The following FAM107B variants were observed in gnomAD, a reference collection of about 807,000 sequenced individuals.
FAM107B encodes family with sequence similarity 107 member B.
A neutral mutation model predicts 31.5 loss-of-function variants in FAM107B; 21 were observed. The ratio of observed to expected loss-of-function variants is 0.67; its 90% CI spans 0.47 to 0.96. The LOEUF is 0.96. Ranked by LOEUF, FAM107B falls within the 40% of genes least tolerant of loss-of-function variation. The pLI, the probability that FAM107B is intolerant of heterozygous loss-of-function variation, is 0.00. For missense variants in FAM107B, 452 were observed against 377.1 expected, an observed-to-expected ratio of 1.20 and a Z score of -1.64; for synonymous variants, 157 against 141.5, an observed-to-expected ratio of 1.11 and a Z score of -0.78.
At chr10:14,627,815 AG>A (rs1397241032) in intron 2 of FAM107B, among the ~76,000 whole-genome samples, 1 of 152,142 alleles carries the variant, frequency 6.6e-6, no homozygotes, top group Non-Finnish European at 1.5e-5. Flanking sequence ...AGCATTTAAC[AG>A]ATTGGTTGAA....
At chr10:14,579,725 A>C (rs1851574048) in intron 2 of FAM107B, among the ~76,000 whole-genome samples, 1 of 152,230 alleles carries the variant, frequency 6.6e-6, no homozygotes, top group South Asian at 2.1e-4. Context: ...TTCCTTCCAA[A>C]AAAGATTTGG....
intron 1 of FAM107B, among the ~76,000 whole-genome samples, chr10:14,712,816 C>G (rs1167849347): frequency 6.6e-6 from 1 of 152,086 alleles, no homozygotes; most frequent in Non-Finnish European, 1.5e-5. Context: ...TTGGAACTAC[C>G]CAGGAAGGGC....
intron 2 of FAM107B, among the ~76,000 whole-genome samples, chr10:14,555,171 C>T (rs1265757009): frequency 6.7e-6 from 1 of 150,014 alleles, no homozygotes; most frequent in Non-Finnish European, 1.5e-5. Flanking sequence ...GGATTTATAA[C>T]CAAAGTCATA....
In FAM107B at chr10:14,709,943, CAG is replaced by C. The variant is rs1277383676; in HGVS notation, c.412-42254_412-42253del. ...GGGGAGGAGAGAGAAAAGAATAAAACAGAGCACAGGAGATTTTCAGGACAGTG... is the reference window on the plus strand; with the variant it reads ...GGGGAGGAGAGAGAAAAGAATAAAACAGCACAGGAGATTTTCAGGACAGTG... On this transcript the variant is annotated intron_variant, in intron 1 of 4. Coordinates refer to ENST00000181796, the MANE Select transcript of FAM107B (RefSeq NM_031453.4). 9.9e-5 allele frequency among the ~76,000 whole-genome samples: 15 copies of C among 152,186 alleles called. No homozygotes were observed. In the East Asian group the frequency reaches 2.5e-3, roughly 25 times the overall value.
Position 14,774,392 on chromosome 10 carries a change from C to G in FAM107B, c.272G>C (p.Arg91Pro). 1 of 1,614,210 alleles carries G rather than the reference C, an allele frequency of 6.2e-7. No individual in the cohort carries two copies. The highest frequency in any genetic ancestry group is 8.5e-7 in the Non-Finnish European group (1 of 1,180,046). ...GGCCGCAGTGCGGTGACTTGAATTC[C>G]GATTCGCACTGCCATTTCTCTCTGC... Reference protein sequence around the residue: ...THAERNGSANRNSSHRTAAQP... With the variant: ...THAERNGSANPNSSHRTAAQP... The change falls in exon 1 of 5, where the codon CGG (arginine) becomes CCG (proline). Residue 91 changes from arginine (R) to proline (P), a missense_variant. Coordinates refer to ENST00000181796, the MANE Select transcript of FAM107B (RefSeq NM_031453.4).
chr10:14,730,713 AGTAGACCAGGC>A (rs1485130992), intron 1 of FAM107B, among the ~76,000 whole-genome samples: 2 of 152,260 alleles, frequency 1.3e-5, no homozygotes, highest in East Asian at 3.8e-4. Context: ...AGGCTACTGC[AGTAGACCAGGC>A]GAGAAATTAT....
intron 2 of FAM107B, among the ~76,000 whole-genome samples, chr10:14,565,232 G>A (rs1295712853): frequency 1.3e-5 from 2 of 152,314 alleles, no homozygotes; most frequent in Middle Eastern, 3.4e-3. Context: ...TCTACTGGGG[G>A]AAGCAGGCAT....
chr10:14,730,008 G>T (rs1389819630), intron 1 of FAM107B, among the ~76,000 whole-genome samples: 1 of 152,084 alleles, frequency 6.6e-6, no homozygotes, highest in African/African-American at 2.4e-5. Context: ...TGGACACAGG[G>T]AGGGGAACAT....
chr10:14,624,223 G>A (rs895254450), intron 2 of FAM107B, among the ~76,000 whole-genome samples: 3 of 152,172 alleles, frequency 2.0e-5, no homozygotes, highest in African/African-American at 2.4e-5. Flanking sequence ...CTATAAGGAT[G>A]GTGAATAAAA....
At chr10:14,589,658 G>A (rs1321260722) in intron 2 of FAM107B, among the ~76,000 whole-genome samples, 1 of 152,030 alleles carries the variant, frequency 6.6e-6, no homozygotes. Context: ...GGGGGATGAG[G>A]GGCAAGGGGA....
intron 2 of FAM107B, among the ~76,000 whole-genome samples, chr10:14,614,878 A>G (rs1053824295): frequency 2.0e-5 from 3 of 152,080 alleles, no homozygotes; most frequent in Admixed American, 6.6e-5. Flanking sequence ...TCACTCGGGG[A>G]GCAGCAGGGG....
rs544691960 is a variant in FAM107B at position 14,589,661 on chromosome 10, C to T, written c.470-59146G>A. Among the ~76,000 whole-genome samples the T allele has an allele frequency of 6.6e-5, 10 of 151,878 alleles. No individual in the cohort carries two copies. The South Asian group carries it at 1.9e-3, about 29-fold the overall frequency. Reference sequence around the variant, plus strand: ...GAGTACATTCTTGGGGGATGAGGGGCAAGGGGAGGGAAAGCATTAGGACAA... The same window carrying T: ...GAGTACATTCTTGGGGGATGAGGGGTAAGGGGAGGGAAAGCATTAGGACAA... On this transcript the variant is annotated intron_variant, in intron 2 of 4. Coordinates refer to ENST00000181796, the MANE Select transcript of FAM107B (RefSeq NM_031453.4).
chr10:14,683,363 G>A (rs1257579769), intron 1 of FAM107B, among the ~76,000 whole-genome samples: 1 of 152,206 alleles, frequency 6.6e-6, no homozygotes, highest in Admixed American at 6.5e-5. Flanking sequence ...CACCGTTAGG[G>A]AAGGCCTTTG....
chr10:14,578,305 T>C (rs758620882), intron 2 of FAM107B, among the ~76,000 whole-genome samples: 5 of 152,224 alleles, frequency 3.3e-5, no homozygotes, highest in Non-Finnish European at 5.9e-5. Flanking sequence ...GTTGAATTAA[T>C]ACATTCCATA....
At chr10:14,679,108 T>C (rs772446677) in intron 1 of FAM107B, among the ~76,000 whole-genome samples, 5 of 151,796 alleles carry the variant, frequency 3.3e-5, no homozygotes, top group Non-Finnish European at 5.9e-5. Flanking sequence ...CTCAGTTTCA[T>C]CATAAAAAAG....
chr10:14,523,166 T>C (rs1402169638), intron 3 of FAM107B, among the ~76,000 whole-genome samples: 1 of 152,268 alleles, frequency 6.6e-6, no homozygotes, highest in Non-Finnish European at 1.5e-5. Flanking sequence ...TTGCCTTTTC[T>C]ATTTCCTTAG....
intron 1 of FAM107B, among the ~76,000 whole-genome samples, chr10:14,725,821 C>CTTTTTTTTT (rs759788163): frequency 1.1e-5 from 1 of 94,296 alleles, no homozygotes; most frequent in African/African-American, 4.3e-5. Flanking sequence ...CAGTCAAATC[C>CTTTTTTTTT]TTTTTTTTTT....
At chr10:14,634,191 T>C (rs1304969294) in intron 2 of FAM107B, among the ~76,000 whole-genome samples, 4 of 151,960 alleles carry the variant, frequency 2.6e-5, no homozygotes, top group Non-Finnish European at 5.9e-5. Flanking sequence ...GGTCAGGAGA[T>C]TGAGACCATC....
rs1833380455 is a variant in FAM107B, at chr10:14,774,592, G to A, written c.72C>T (p.Cys24=). The change falls in exon 1 of 5, where the codon TGC becomes TGT. Residue 24 remains cysteine, a synonymous_variant. Transcript: ENST00000181796. ...SPSRSMHPFP[C]SALLACFGNT... ...TCCCAAAACAGGCGAGCAGAGCTGA[G>A]CACGGAAATGGATGCATGCTTCTAG... The A allele has an allele frequency of 1.2e-6, 2 of 1,614,194 alleles. No individual in the cohort carries two copies. The highest frequency in any genetic ancestry group is 1.3e-5 in the African/African-American group (1 of 75,040).
Sources: gnomAD v4.1 joint callset for allele counts (sites outside exome capture counted in the v4.1 genomes callset) on GRCh38, gnomAD v4.1.1 for gene constraint, MANE v1.5 for transcripts, NCBI Gene and HGNC (gene_info 2026-07-23, HGNC 2026-07-21) for gene names.